The following CAMK2D variants were observed in gnomAD, a reference collection of about 807,000 sequenced individuals.
CAMK2D encodes calcium/calmodulin-dependent protein kinase type II subunit delta.
Under a neutral mutation model 84.0 loss-of-function variants are expected in CAMK2D, and 37 were observed. That is an observed-to-expected ratio of 0.44 (90% CI 0.34 to 0.58). The LOEUF is 0.58. CAMK2D is among the 20% of genes least tolerant of loss of function. The pLI is 0.02. For missense variants in CAMK2D, 448 were observed against 652.5 expected, an observed-to-expected ratio of 0.69 and a Z score of 3.41; for synonymous variants, 202 against 212.5, an observed-to-expected ratio of 0.95 and a Z score of 0.43.
At chr4:113,464,362 T>A (rs1022445500) in intron 17 of CAMK2D, among the ~76,000 whole-genome samples, 1 of 152,270 alleles carries the variant, frequency 6.6e-6, no homozygotes, top group African/African-American at 2.4e-5. Context: ...TTTTGATATA[T>A]GTTTTGCAAA....
Position 113,581,529 on chromosome 4 carries a change from A to AAAAAG in CAMK2D, c.275+27618_275+27622dup, listed in dbSNP as rs1553973877. 3.6e-3 allele frequency among the ~76,000 whole-genome samples: 435 copies of AAAAAG among 121,726 alleles called. 6 individuals carry two copies. The highest frequency in any genetic ancestry group is 5.7e-3 in the South Asian group (22 of 3,878). The allele number at this position is 121,726 out of a possible 152,430, so 79.9% of individuals were successfully genotyped here. A position where few individuals can be genotyped will look rare whatever the true frequency, so the allele number is the denominator to read the frequency against. On this transcript the variant is annotated intron_variant, in intron 4 of 20. Coordinates refer to ENST00000511664, the MANE Select transcript of CAMK2D (RefSeq NM_001321571.2). ...ACTTTCTCATAAAAAAAAAAAAAAAAAAAAGAAAAGAAAAGAAAAGAAAAA... is the reference window on the plus strand; with the variant it reads ...ACTTTCTCATAAAAAAAAAAAAAAAAAAAAGAAAAGAAAAGAAAAGAAAAGAAAAA...
intron 4 of CAMK2D, among the ~76,000 whole-genome samples, chr4:113,586,315 T>C (rs2098834018): frequency 6.6e-6 from 1 of 152,152 alleles, no homozygotes; most frequent in Non-Finnish European, 1.5e-5. Context: ...ATTGGATAAA[T>C]GTGCCTGGCA....
intron 3 of CAMK2D, among the ~76,000 whole-genome samples, chr4:113,636,462 C>T (rs1371989633): frequency 6.6e-6 from 1 of 152,354 alleles, no homozygotes; most frequent in East Asian, 1.9e-4. Context: ...GATCAGCTCA[C>T]TCCTCTCTTC....
intron 2 of CAMK2D, chr4:113,754,309 A>G (rs2099623608): frequency 1.0e-6 from 1 of 978,802 alleles, no homozygotes; most frequent in South Asian, 4.7e-5. Flanking sequence ...TAGAAATACT[A>G]TGAGTCAACC....
At chr4:113,679,168 T>C (rs1228431435) in intron 2 of CAMK2D, among the ~76,000 whole-genome samples, 2 of 151,966 alleles carry the variant, frequency 1.3e-5, no homozygotes, top group Admixed American at 6.6e-5. Context: ...AAATTTAAGA[T>C]GGATGAATGG....
At chr4:113,529,881 A>T (rs1372125900) in intron 8 of CAMK2D, among the ~76,000 whole-genome samples, 2 of 152,238 alleles carry the variant, frequency 1.3e-5, no homozygotes, top group Non-Finnish European at 2.9e-5. Context: ...GCATAAATAC[A>T]TAACCACTAG....
chr4:113,677,018 G>A (rs750955290), intron 2 of CAMK2D, among the ~76,000 whole-genome samples: 3 of 152,166 alleles, frequency 2.0e-5, no homozygotes, highest in Admixed American at 6.6e-5. Context: ...TAAAGGCGAA[G>A]AGCTAAAATT....
chr4:113,604,283 A>G (rs2098968319), intron 4 of CAMK2D, among the ~76,000 whole-genome samples: 1 of 152,160 alleles, frequency 6.6e-6, no homozygotes, highest in South Asian at 2.1e-4. Flanking sequence ...AACTATATTT[A>G]AAATGTGCAT....
intron 6 of CAMK2D, among the ~76,000 whole-genome samples, chr4:113,542,868 C>T (rs2098540114): frequency 6.6e-6 from 1 of 152,126 alleles, no homozygotes; most frequent in African/African-American, 2.4e-5. Context: ...AAATCTCTCT[C>T]TTTCTCTCTC....
intron 4 of CAMK2D, among the ~76,000 whole-genome samples, chr4:113,559,419 C>T (rs577731485): frequency 3.9e-4 from 60 of 152,188 alleles, no homozygotes; most frequent in African/African-American, 1.4e-3. Context: ...ACATTTTTTG[C>T]TCATATTTTG....
rs75117765 is a variant in CAMK2D at position 113,707,122 on chromosome 4, G to A, written c.161-45350C>T. Among the ~76,000 whole-genome samples the A allele has an allele frequency of 5.3e-3, 802 of 152,240 alleles. 7 individuals carry two copies. The highest frequency in any genetic ancestry group is 0.018 in the African/African-American group (755 of 41,544). On this transcript the variant is annotated intron_variant, in intron 2 of 20. Coordinates refer to ENST00000511664, the MANE Select transcript of CAMK2D (RefSeq NM_001321571.2). ...AATATGATAGCGAGCCACCATTCTC[G>A]TTGTGTTTTAAGCAAGCACATTACT...
At chr4:113,702,802 G>T (rs2099425603) in intron 2 of CAMK2D, among the ~76,000 whole-genome samples, 1 of 152,098 alleles carries the variant, frequency 6.6e-6, no homozygotes, top group Non-Finnish European at 1.5e-5. Context: ...CAGCTACTCA[G>T]GAAGCTGAGT....
At chr4:113,599,828 GTCA>G (rs968539895) in intron 4 of CAMK2D, among the ~76,000 whole-genome samples, 6 of 152,164 alleles carry the variant, frequency 3.9e-5, no homozygotes, top group Non-Finnish European at 7.3e-5. Context: ...GTGAAAGTGG[GTCA>G]TCATAAAGGT....
intron 8 of CAMK2D, among the ~76,000 whole-genome samples, chr4:113,522,812 A>G (rs2098379248): frequency 6.6e-6 from 1 of 152,242 alleles, no homozygotes; most frequent in African/African-American, 2.4e-5. Context: ...ATCAACACTC[A>G]TAAGAATAAA....
chr4:113,503,783 C>T (rs78455205), intron 14 of CAMK2D, among the ~76,000 whole-genome samples: 6,771 of 152,012 alleles, frequency 0.045, 218 homozygotes, highest in Non-Finnish European at 0.068. Flanking sequence ...AGAAATATTC[C>T]CAAGTGGAGA....
intron 3 of CAMK2D, among the ~76,000 whole-genome samples, chr4:113,635,235 A>G (rs552956119): frequency 1.7e-4 from 26 of 152,270 alleles, no homozygotes; most frequent in East Asian, 7.7e-4. Context: ...GTGTGCACAT[A>G]TTTATGCCCA....
intron 17 of CAMK2D, among the ~76,000 whole-genome samples, chr4:113,463,941 A>C (rs1460400149): frequency 1.3e-5 from 2 of 152,216 alleles, no homozygotes; most frequent in Non-Finnish European, 2.9e-5. Flanking sequence ...TATACTTGTT[A>C]AATTCTTATA....
chr4:113,723,327 C>A (rs956312213), intron 2 of CAMK2D, among the ~76,000 whole-genome samples: 1 of 151,558 alleles, frequency 6.6e-6, no homozygotes. Flanking sequence ...CAGTTTCAAG[C>A]GATGCTCATG....
rs1364659155 is a variant in CAMK2D, at chr4:113,513,318, A to G, written c.946+10T>C. On this transcript the variant is annotated intron_variant, in intron 12 of 20. Transcript: ENST00000511664. ...CAAGGGATAAGAAGCAGAGTTCCCA[A>G]TGCATGTACCTGAGAAATTCCTTGT... 2 of 1,613,226 alleles carry G rather than the reference A, an allele frequency of 1.2e-6. No homozygotes were observed. Among genetic ancestry groups the G allele is most frequent in the East Asian group, 2.2e-5 (1 of 44,876 alleles).
Sources: gnomAD v4.1 joint callset for allele counts (sites outside exome capture counted in the v4.1 genomes callset) on GRCh38, gnomAD v4.1.1 for gene constraint, MANE v1.5 for transcripts, NCBI Gene and HGNC (gene_info 2026-07-23, HGNC 2026-07-21) for gene names.